The following DNAJC15 variants were observed in gnomAD, a reference collection of about 807,000 sequenced individuals.
The protein encoded by DNAJC15 is DnaJ heat shock protein family (Hsp40) member C15.
DNAJC15 carries 27 observed loss-of-function variants against 22.4 expected under a neutral mutation model. That is an observed-to-expected ratio of 1.20 (90% CI 0.89 to 1.66). The LOEUF (loss-of-function observed/expected upper bound fraction) is 1.66. Ranked by LOEUF, DNAJC15 falls within the 40% of genes most tolerant of loss-of-function variation. DNAJC15 has a pLI of 0.00. For synonymous variants in DNAJC15, 79 were observed against 63.2 expected (o/e 1.25, Z -1.19); for missense variants, 208 against 187.1 (o/e 1.11, Z -0.65).
chr13:43,032,601 A>C (rs2040408732), intron 1 of DNAJC15, among the ~76,000 whole-genome samples: 1 of 152,214 alleles, frequency 6.6e-6, no homozygotes, highest in Non-Finnish European at 1.5e-5. Context: ...AGGTGAGCAC[A>C]TCACTTGAGG....
At chr13:43,061,166 A>G (rs1244808637) in intron 1 of DNAJC15, among the ~76,000 whole-genome samples, 1 of 152,200 alleles carries the variant, frequency 6.6e-6, no homozygotes, top group Non-Finnish European at 1.5e-5. Flanking sequence ...TGACGACAGA[A>G]TAGAATGGGC....
chr13:43,030,889 T>C lies in DNAJC15; in HGVS notation c.108+7155T>C, dbSNP rs1192516625. On this transcript the variant is annotated intron_variant, in intron 1 of 5. Transcript: ENST00000379221. Reference sequence around the variant, plus strand: ...GCATAGGTGTCATAAGAGAAATATATGGATAAAATGCTTGATTTCGTAGGA... The same window carrying C: ...GCATAGGTGTCATAAGAGAAATATACGGATAAAATGCTTGATTTCGTAGGA... Among the ~76,000 whole-genome samples the C allele has an allele frequency of 2.6e-5, 4 of 152,332 alleles. No individual in the cohort carries two copies. The East Asian group carries it at 5.8e-4, about 22-fold the overall frequency.
At chr13:43,094,848 C>T (rs959170506) in intron 5 of DNAJC15, among the ~76,000 whole-genome samples, 6 of 152,112 alleles carry the variant, frequency 3.9e-5, no homozygotes, top group East Asian at 1.9e-4. Context: ...TAATTTCTTG[C>T]GTTCCACCAA....
chr13:43,070,183 A>G (rs2153441013), intron 3 of DNAJC15, among the ~76,000 whole-genome samples: 1 of 152,326 alleles, frequency 6.6e-6, no homozygotes, highest in South Asian at 2.1e-4. Context: ...GACAGCACCA[A>G]AGGATGACAT....
intron 1 of DNAJC15, among the ~76,000 whole-genome samples, chr13:43,060,609 C>T (rs1305766083): frequency 6.6e-6 from 1 of 152,154 alleles, no homozygotes; most frequent in East Asian, 1.9e-4. Context: ...ACAGAGTCCT[C>T]TTTAACAGTA....
chr13:43,064,055 G>A (rs771100961), intron 1 of DNAJC15, among the ~76,000 whole-genome samples: 8 of 152,154 alleles, frequency 5.3e-5, no homozygotes, highest in Admixed American at 2.0e-4. Context: ...TTGCCTCTCT[G>A]GTAGGCAGCT....
intron 3 of DNAJC15, among the ~76,000 whole-genome samples, chr13:43,076,065 C>G (rs1196342076): frequency 3.9e-5 from 6 of 152,134 alleles, no homozygotes; most frequent in Non-Finnish European, 7.3e-5. Context: ...AAAATTTGTT[C>G]AGGTTAGTAT....
intron 1 of DNAJC15, among the ~76,000 whole-genome samples, chr13:43,060,774 T>C (rs950944043): frequency 6.6e-6 from 1 of 152,186 alleles, no homozygotes; most frequent in Non-Finnish European, 1.5e-5. Context: ...AAGGCCGGTC[T>C]GTTATTGGAC....
intron 1 of DNAJC15, among the ~76,000 whole-genome samples, chr13:43,042,280 A>G (rs1327902413): frequency 1.3e-5 from 2 of 152,230 alleles, no homozygotes; most frequent in Non-Finnish European, 2.9e-5. Context: ...AATAATAACT[A>G]TAGTTGTAAT....
chr13:43,097,736 G>A (rs944157714), intron 5 of DNAJC15, among the ~76,000 whole-genome samples: 6 of 152,058 alleles, frequency 3.9e-5, no homozygotes, highest in South Asian at 2.1e-4. Context: ...TCGGGAGTTC[G>A]AGACCAGCCT....
intron 3 of DNAJC15, among the ~76,000 whole-genome samples, chr13:43,071,201 C>T (rs9525732): frequency 6.6e-6 from 1 of 151,878 alleles, no homozygotes; most frequent in African/African-American, 2.4e-5. Context: ...CAGATAAGGC[C>T]GGGTAATTCA....
At chr13:43,066,762 A>G (rs1200671560) in intron 2 of DNAJC15, among the ~76,000 whole-genome samples, 1 of 152,100 alleles carries the variant, frequency 6.6e-6, no homozygotes, top group Non-Finnish European at 1.5e-5. Context: ...AGCTGGGACT[A>G]CAGGCGCCAG....
chr13:43,090,494 AT>A (rs1566215064), intron 5 of DNAJC15, among the ~76,000 whole-genome samples: 1 of 151,872 alleles, frequency 6.6e-6, no homozygotes, highest in Non-Finnish European at 1.5e-5. Context: ...TAACTTCCAT[AT>A]TAAAAAAAAC....
chr13:43,030,071 TAATA>T (rs761458940), intron 1 of DNAJC15, among the ~76,000 whole-genome samples: 1 of 152,218 alleles, frequency 6.6e-6, no homozygotes, highest in Non-Finnish European at 1.5e-5. Context: ...TGTCAGTATC[TAATA>T]AATATGTGTA....
At position 43,073,351 on chromosome 13, in the gene DNAJC15, C is replaced by A. The variant is rs368085752; in HGVS notation, c.234+4348C>A. 2.3e-4 allele frequency among the ~76,000 whole-genome samples: 35 copies of A among 152,174 alleles called. 2 individuals carry two copies. Among genetic ancestry groups the A allele is most frequent in the Admixed American group, 1.7e-3 (26 of 15,286 alleles). On this transcript the variant is annotated intron_variant, in intron 3 of 5. Coordinates refer to ENST00000379221, the MANE Select transcript of DNAJC15 (RefSeq NM_013238.3). ...GTGTATATTTTACTCCTTGGCATAG[C>A]TTCTCACCTCCCTAGGCTTCTGGGT...
At chr13:43,035,620 T>G (rs1262714103) in intron 1 of DNAJC15, among the ~76,000 whole-genome samples, 1 of 152,244 alleles carries the variant, frequency 6.6e-6, no homozygotes, top group Non-Finnish European at 1.5e-5. Context: ...TTCATTACTA[T>G]AAGTACTTAA....
intron 1 of DNAJC15, among the ~76,000 whole-genome samples, chr13:43,054,025 AC>A (rs1287807523): frequency 6.6e-6 from 1 of 151,918 alleles, no homozygotes. Context: ...ACTTTTCTCC[AC>A]TCAGTATTAT....
Position 43,107,028 on chromosome 13 carries a change from CTG to C in DNAJC15, c.383-148_383-147del, listed in dbSNP as rs548914997. ...CTTCACTAATCAAGTTTAATTTATACTGTTTTGATTTCTAGTTAGCTTATAAA... is the reference window on the plus strand; with the variant it reads ...CTTCACTAATCAAGTTTAATTTATACTTTTGATTTCTAGTTAGCTTATAAA... On this transcript the variant is annotated intron_variant, in intron 5 of 5. Coordinates refer to ENST00000379221, the MANE Select transcript of DNAJC15 (RefSeq NM_013238.3). 1,372 of 569,418 alleles carry C rather than the reference CTG, an allele frequency of 2.4e-3. 2 individuals are homozygous for C. Among genetic ancestry groups the C allele is most frequent in the Non-Finnish European group, 3.4e-3 (1,213 of 361,382 alleles). The allele number at this position is 569,418 out of a possible 1,614,324, so 35.3% of individuals were successfully genotyped here.
chr13:43,100,183 T>C (rs2040760582), intron 5 of DNAJC15, among the ~76,000 whole-genome samples: 1 of 151,262 alleles, frequency 6.6e-6, no homozygotes, highest in South Asian at 2.1e-4. Context: ...TTGTCTTAGG[T>C]TGAAGGTTAA....
Sources: allele counts gnomAD v4.1 joint callset (sites outside exome capture counted in the v4.1 genomes callset), GRCh38; gene constraint gnomAD v4.1.1; transcripts MANE v1.5; gene names NCBI Gene and HGNC (gene_info 2026-07-23, HGNC 2026-07-21).